The following WDTC1 variants were observed in gnomAD, a reference collection of about 807,000 sequenced individuals.
WDTC1 encodes WD and tetratricopeptide repeats protein 1.
A neutral mutation model predicts 76.0 loss-of-function variants in WDTC1; 12 were observed. The observed-to-expected ratio is 0.16, with a 90% confidence interval of 0.10 to 0.26. The LOEUF (loss-of-function observed/expected upper bound fraction) is 0.26, where lower values mean the gene tolerates loss of function less well. WDTC1 is among the 10% of genes least tolerant of loss of function. The pLI is 1.00. For synonymous variants in WDTC1, 326 were observed against 350.8 expected, an observed-to-expected ratio of 0.93 and a Z score of 0.79; for missense variants, 511 against 908.8, an observed-to-expected ratio of 0.56 and a Z score of 5.63.
chr1:27,292,532 A>G, intron 7 of WDTC1, 135 bp downstream of exon 7: 1 of 771,748 alleles, frequency 1.3e-6, no homozygotes, highest in Non-Finnish European at 1.9e-6. Flanking sequence ...GGCTCAAGCG[A>G]TCCTCCCATC....
chr1:27,240,981 A>AAAC (rs1322216137), intron 1 of WDTC1, among the ~76,000 whole-genome samples: 1 of 151,416 alleles, frequency 6.6e-6, no homozygotes, highest in Non-Finnish European at 1.5e-5. Flanking sequence ...TCAAAAAAAA[A>AAAC]AAACAAAAAA....
chr1:27,236,363 G>A (rs568820765), intron 1 of WDTC1, among the ~76,000 whole-genome samples: 1 of 152,136 alleles, frequency 6.6e-6, no homozygotes, highest in African/African-American at 2.4e-5. Flanking sequence ...GACCTTTTCC[G>A]TCATAGTTTG....
At chr1:27,246,455 ATATT>A (rs1326600531) in intron 1 of WDTC1, among the ~76,000 whole-genome samples, 1 of 152,098 alleles carries the variant, frequency 6.6e-6, no homozygotes, top group Non-Finnish European at 1.5e-5. Context: ...TTAACACATT[ATATT>A]TATTCATCAA....
chr1:27,266,596 G>T (rs2012682421), intron 3 of WDTC1, among the ~76,000 whole-genome samples: 1 of 152,170 alleles, frequency 6.6e-6, no homozygotes, highest in Admixed American at 6.5e-5. Context: ...TGTTATTTAT[G>T]GAAAGCTCTT....
chr1:27,246,176 C>T lies in WDTC1; in HGVS notation c.-100+11225C>T, dbSNP rs535947321. On this transcript the variant is annotated intron_variant, in intron 1 of 15. Coordinates refer to ENST00000319394, the MANE Select transcript of WDTC1 (RefSeq NM_001276252.2). ...AGTCACAAAGTTGTGCAACTTGTCA[C>T]CACTATCTAATTCCAAAACATTTTC... Among the ~76,000 whole-genome samples the T allele has an allele frequency of 3.3e-5, 5 of 152,268 alleles. No homozygotes were observed. The South Asian group carries it at 8.3e-4, about 25-fold the overall frequency.
chr1:27,253,500 T>C (rs921768979), intron 1 of WDTC1, among the ~76,000 whole-genome samples: 38 of 143,376 alleles, frequency 2.7e-4, no homozygotes, highest in Non-Finnish European at 4.0e-4. Context: ...TTCTTTCTTC[T>C]TCTTTCTTTC....
At position 27,292,432 on chromosome 1, in the gene WDTC1, A is replaced by G. The variant is rs780014904; in HGVS notation, c.662+35A>G. ...GTTCAGCCTCCTGTCTCCTGTGAGTAAGTCCCCAGAGAACCTACTGCCCCT... is the reference window on the plus strand; with the variant it reads ...GTTCAGCCTCCTGTCTCCTGTGAGTGAGTCCCCAGAGAACCTACTGCCCCT... On this transcript the variant is annotated intron_variant, in intron 7 of 15. Transcript: ENST00000319394. The G allele has an allele frequency of 2.0e-6, 3 of 1,493,410 alleles. No homozygotes were observed. In the South Asian group the frequency reaches 4.1e-5, roughly 20 times the overall value. 92.5% of individuals were successfully genotyped at this position (1,493,410 alleles called of 1,614,324 possible).
At chr1:27,266,541 T>C (rs1469408543) in intron 3 of WDTC1, among the ~76,000 whole-genome samples, 1 of 152,224 alleles carries the variant, frequency 6.6e-6, no homozygotes, top group East Asian at 1.9e-4. Context: ...TCCAGTATAT[T>C]GTATAAGTCC....
At chr1:27,263,116 A>T (rs777356664) in intron 2 of WDTC1, 36 bp from the exon 3 acceptor site, 1 of 1,607,128 alleles carries the variant, frequency 6.2e-7, no homozygotes, top group South Asian at 1.1e-5. Context: ...TATTTAATTG[A>T]ATCAATGAAA....
At chr1:27,263,029 C>T in intron 2 of WDTC1, 123 bp from the exon 3 acceptor site, 2 of 903,814 alleles carry the variant, frequency 2.2e-6, no homozygotes, top group South Asian at 1.5e-5. Context: ...GTCCTGTAGG[C>T]CAGTTCCTTG....
At chr1:27,299,459 G>T (rs2013777461) in intron 12 of WDTC1, among the ~76,000 whole-genome samples, 1 of 152,036 alleles carries the variant, frequency 6.6e-6, no homozygotes, top group Non-Finnish European at 1.5e-5. Context: ...TTAAGTGTAG[G>T]CAGGCTTAGA....
At chr1:27,236,899 C>T (rs377300118) in intron 1 of WDTC1, among the ~76,000 whole-genome samples, 5 of 152,102 alleles carry the variant, frequency 3.3e-5, no homozygotes, top group African/African-American at 9.7e-5. Context: ...AGTGCAGTGG[C>T]GCGATCTCAG....
intron 1 of WDTC1, among the ~76,000 whole-genome samples, chr1:27,245,353 CT>C (rs1357217361): frequency 1.3e-5 from 2 of 151,652 alleles, no homozygotes; most frequent in African/African-American, 4.9e-5. Flanking sequence ...GCCTGCTAAG[CT>C]TACATCACTC....
At chr1:27,298,234 C>G in intron 12 of WDTC1, 123 bp downstream of exon 12, 1 of 1,279,406 alleles carries the variant, frequency 7.8e-7, no homozygotes, top group African/African-American at 1.5e-5. Context: ...GAACATATTG[C>G]TGCCTCTTAG....
At chr1:27,251,213 A>T (rs530557477) in intron 1 of WDTC1, among the ~76,000 whole-genome samples, 1 of 151,420 alleles carries the variant, frequency 6.6e-6, no homozygotes, top group South Asian at 2.1e-4. Flanking sequence ...TCTTGTTAGT[A>T]TCCTTTAAAA....
intron 5 of WDTC1, among the ~76,000 whole-genome samples, chr1:27,287,288 G>A (rs1194235152): frequency 6.6e-6 from 1 of 152,172 alleles, no homozygotes; most frequent in Non-Finnish European, 1.5e-5. Context: ...GGCAAGTAGG[G>A]CATGTGGGAG....
chr1:27,292,453 C>A, intron 7 of WDTC1, 56 bp downstream of exon 7: 8 of 1,431,306 alleles, frequency 5.6e-6, no homozygotes, highest in Non-Finnish European at 6.5e-6. Context: ...GAACCTACTG[C>A]CCCTTTCCCT....
intron 10 of WDTC1, 149 bp from the exon 11 acceptor site, chr1:27,296,899 G>A: frequency 4.4e-6 from 3 of 683,070 alleles, no homozygotes; most frequent in Non-Finnish European, 7.5e-6. Context: ...CTTTATGTCA[G>A]AACTTGCTTT....
At chr1:27,241,976 C>T (rs2011643279) in intron 1 of WDTC1, among the ~76,000 whole-genome samples, 2 of 151,730 alleles carry the variant, frequency 1.3e-5, no homozygotes, top group African/African-American at 2.4e-5. Flanking sequence ...ACTGCAGCCT[C>T]AGGCTCCTGG....
Sources: allele counts gnomAD v4.1 joint callset (sites outside exome capture counted in the v4.1 genomes callset), GRCh38; gene constraint gnomAD v4.1.1; transcripts MANE v1.5; gene names NCBI Gene and HGNC (gene_info 2026-07-23, HGNC 2026-07-21).